FZD6: variants seen among roughly 807,000 people sequenced by gnomAD.
FZD6 encodes frizzled-6.
In FZD6, 49 loss-of-function variants were observed where a neutral mutation model predicts 61.4. The ratio of observed to expected loss-of-function variants is 0.80; its 90% CI spans 0.63 to 1.01. The LOEUF is 1.01. Ranked by LOEUF, FZD6 falls within the 50% of genes least tolerant of loss-of-function variation. The pLI is 0.00. For synonymous variants in FZD6, 265 were observed against 292.2 expected (o/e 0.91, Z 0.95); for missense variants, 724 against 848.2 (o/e 0.85, Z 1.82).
At chr8:103,326,166 CTG>C (rs2130333801) in intron 4 of FZD6, among the ~76,000 whole-genome samples, 1 of 152,258 alleles carries the variant, frequency 6.6e-6, no homozygotes, top group African/African-American at 2.4e-5. Context: ...ATTCCTGACT[CTG>C]TGCGGTATTA....
At chr8:103,315,038 A>C (rs542030893) in intron 2 of FZD6, among the ~76,000 whole-genome samples, 1 of 152,194 alleles carries the variant, frequency 6.6e-6, no homozygotes, top group African/African-American at 2.4e-5. Context: ...AATTTCCCAA[A>C]GCTTATAGGG....
chr8:103,330,094 A>C (rs1353148157), intron 6 of FZD6, 29 bp downstream of exon 6: 2 of 1,572,014 alleles, frequency 1.3e-6, no homozygotes, highest in Non-Finnish European at 1.8e-6. Flanking sequence ...TAAAATCATC[A>C]CTATTTTAAA....
At chr8:103,330,917 C>T (rs1192460358) in intron 6 of FZD6, among the ~76,000 whole-genome samples, 3 of 152,178 alleles carry the variant, frequency 2.0e-5, no homozygotes, top group Non-Finnish European at 4.4e-5. Context: ...GTGGCTCACG[C>T]CTGTAATCCC....
At chr8:103,330,776 G>A (rs1377344727) in intron 6 of FZD6, among the ~76,000 whole-genome samples, 2 of 152,184 alleles carry the variant, frequency 1.3e-5, no homozygotes, top group Non-Finnish European at 2.9e-5. Context: ...TTGTTAAACT[G>A]AGGACAGGAA....
At chr8:103,315,563 G>T (rs576819906) in intron 2 of FZD6, among the ~76,000 whole-genome samples, 2 of 152,142 alleles carry the variant, frequency 1.3e-5, no homozygotes, top group African/African-American at 2.4e-5. Flanking sequence ...ATACCACTCC[G>T]CAGTGACAGA....
At chr8:103,316,055 T>C (rs1438077891) in intron 2 of FZD6, among the ~76,000 whole-genome samples, 1 of 152,208 alleles carries the variant, frequency 6.6e-6, no homozygotes, top group Non-Finnish European at 1.5e-5. Flanking sequence ...TTACTTCTCC[T>C]CCTGATACAG....
At chr8:103,310,874 C>T (rs778743911) in intron 2 of FZD6, among the ~76,000 whole-genome samples, 7 of 152,194 alleles carry the variant, frequency 4.6e-5, no homozygotes, top group Admixed American at 1.3e-4. Context: ...TAACAGGATG[C>T]TCACTGCCTT....
chr8:103,301,157 G>C (rs1814159602), intron 2 of FZD6, among the ~76,000 whole-genome samples: 1 of 152,138 alleles, frequency 6.6e-6, no homozygotes, highest in Non-Finnish European at 1.5e-5. Flanking sequence ...GATTAGATTT[G>C]ATTTTGCAGC....
chr8:103,304,944 G>C (rs1402711903), intron 2 of FZD6, among the ~76,000 whole-genome samples: 2 of 152,184 alleles, frequency 1.3e-5, no homozygotes, highest in Admixed American at 1.3e-4. Context: ...AGGGACTTCA[G>C]TTTTTTCCTA....
intron 4 of FZD6, 69 bp from the exon 5 acceptor site, chr8:103,328,199 T>C: frequency 1.7e-6 from 2 of 1,178,158 alleles, no homozygotes; most frequent in Admixed American, 3.5e-5. Flanking sequence ...TCGTTTTATA[T>C]TGACAATATA....
At chr8:103,306,652 G>A (rs1271626802) in intron 2 of FZD6, among the ~76,000 whole-genome samples, 4 of 151,552 alleles carry the variant, frequency 2.6e-5, no homozygotes, top group Admixed American at 2.0e-4. Flanking sequence ...ACAGGCGCCC[G>A]TCACCAAGCC....
At chr8:103,307,504 CCTAT>C (rs1237036971) in intron 2 of FZD6, among the ~76,000 whole-genome samples, 4 of 152,056 alleles carry the variant, frequency 2.6e-5, no homozygotes, top group South Asian at 4.2e-4. Flanking sequence ...TGTAAAACAA[CCTAT>C]CTGTTTTTGT....
intron 6 of FZD6, among the ~76,000 whole-genome samples, chr8:103,331,025 A>G (rs900441802): frequency 3.3e-5 from 5 of 152,122 alleles, no homozygotes; most frequent in African/African-American, 4.8e-5. Flanking sequence ...AAAATACAAA[A>G]AATTAGCCGG....
chr8:103,320,368 C>T (rs1814749870), intron 3 of FZD6, among the ~76,000 whole-genome samples: 1 of 152,014 alleles, frequency 6.6e-6, no homozygotes, highest in Non-Finnish European at 1.5e-5. Flanking sequence ...TGGTGGGATG[C>T]TTGGGGCTAA....
At chr8:103,310,837 G>A (rs1814477211) in intron 2 of FZD6, among the ~76,000 whole-genome samples, 1 of 152,160 alleles carries the variant, frequency 6.6e-6, no homozygotes. Flanking sequence ...CTTTGCCATG[G>A]GTTGCCAGAT....
intron 2 of FZD6, among the ~76,000 whole-genome samples, chr8:103,313,058 A>C (rs1814540488): frequency 6.6e-6 from 1 of 152,116 alleles, no homozygotes; most frequent in Non-Finnish European, 1.5e-5. Context: ...AAGAGGACAT[A>C]CTCTGGAGTC....
intron 2 of FZD6, 57 bp from the exon 3 acceptor site, chr8:103,318,533 A>C: frequency 1.0e-6 from 1 of 958,386 alleles, no homozygotes; most frequent in South Asian, 1.3e-5. Flanking sequence ...TAAATATATT[A>C]ATTTTATTCA....
At chr8:103,317,309 C>A (rs1052155425) in intron 2 of FZD6, among the ~76,000 whole-genome samples, 12 of 152,228 alleles carry the variant, frequency 7.9e-5, no homozygotes, top group Non-Finnish European at 1.0e-4. Context: ...GCGGGGAACA[C>A]GGAAATTTAA....
At chr8:103,310,586 G>A (rs1293634248) in intron 2 of FZD6, among the ~76,000 whole-genome samples, 2 of 152,044 alleles carry the variant, frequency 1.3e-5, no homozygotes, top group African/African-American at 4.8e-5. Context: ...TTCCCACCTT[G>A]AGTCAAAAAT....
Sources: gnomAD v4.1 joint callset for allele counts (sites outside exome capture counted in the v4.1 genomes callset) on GRCh38, gnomAD v4.1.1 for gene constraint, MANE v1.5 for transcripts, NCBI Gene and HGNC (gene_info 2026-07-23, HGNC 2026-07-21) for gene names.